ANKS6: variants seen among roughly 807,000 people sequenced by gnomAD.
ANKS6 encodes ankyrin repeat and SAM domain-containing protein 6.
A neutral mutation model predicts 77.9 loss-of-function variants in ANKS6; 47 were observed. The ratio of observed to expected loss-of-function variants is 0.60; its 90% confidence interval spans 0.48 to 0.77. ANKS6 has a LOEUF of 0.77. ANKS6 is among the 30% of genes least tolerant of loss of function. The probability of loss-of-function intolerance (pLI) is 0.00; values close to 1 mark genes in which losing one functional copy is unlikely to be tolerated. For synonymous variants in ANKS6, 488 were observed against 501.7 expected (o/e 0.97, Z 0.37); for missense variants, 1,150 against 1,159.1 (o/e 0.99, Z 0.11).
chr9:98,790,533 C>T lies in ANKS6; in HGVS notation c.433G>A (p.Ala145Thr), dbSNP rs767907988. The change falls in exon 2 of 15, where the codon GCC becomes ACC. Residue 145 changes from alanine (A) to threonine (T), a missense_variant. Coordinates refer to ENST00000353234, the MANE Select transcript of ANKS6 (RefSeq NM_173551.5). ...ADVNAQNRLG[A>T]SVLTVASRGG... ...CGAGAAGCCACAGTGAGCACACTGGCCCCCAGCCGGTTCTGGGCATTGACA... is the reference window on the plus strand; with the variant it reads ...CGAGAAGCCACAGTGAGCACACTGGTCCCCAGCCGGTTCTGGGCATTGACA... 1.2e-5 allele frequency: 20 copies of T among 1,613,296 alleles called. No individual in the cohort carries two copies. The highest frequency in any genetic ancestry group is 1.6e-5 in the Non-Finnish European group (19 of 1,179,742).
intron 2 of ANKS6, among the ~76,000 whole-genome samples, chr9:98,789,027 G>C (rs539021431): frequency 6.7e-6 from 1 of 149,942 alleles, no homozygotes; most frequent in East Asian, 1.9e-4. Flanking sequence ...TGATTGGATG[G>C]TGTATTTCTT....
At chr9:98,740,733 A>G (rs972328479) in intron 14 of ANKS6, among the ~76,000 whole-genome samples, 1 of 152,206 alleles carries the variant, frequency 6.6e-6, no homozygotes, top group African/African-American at 2.4e-5. Flanking sequence ...AGATGATAAC[A>G]ATAATTGCCC....
chr9:98,766,765 T>A (rs985162400), intron 11 of ANKS6, among the ~76,000 whole-genome samples: 1 of 152,048 alleles, frequency 6.6e-6, no homozygotes, highest in Admixed American at 6.6e-5. Flanking sequence ...GGGCAGAAAA[T>A]GACTATTTCT....
At chr9:98,751,668 T>G (rs542236316) in intron 12 of ANKS6, among the ~76,000 whole-genome samples, 2 of 152,042 alleles carry the variant, frequency 1.3e-5, no homozygotes, top group South Asian at 2.1e-4. Context: ...ACAGGGAGAA[T>G]AAAGAAAAGG....
At position 98,790,084 on chromosome 9, in the gene ANKS6, C is replaced by T. The variant is rs115965425; in HGVS notation, c.862+20G>A. On this transcript the variant is annotated intron_variant, in intron 2 of 14. Coordinates refer to ENST00000353234, the MANE Select transcript of ANKS6 (RefSeq NM_173551.5). ...CAATTTGGGGTCCTCTGTGAAGCCA[C>T]GGGGGGCATGCAGCCTGACCTGTTT... 1,796 of 1,537,674 alleles carry T rather than the reference C, an allele frequency of 1.2e-3. 15 individuals are homozygous for T. The African/African-American group carries it at 0.021, about 18-fold the overall frequency.
chr9:98,733,461 G>C lies in ANKS6; in HGVS notation c.*3058C>G. ...ACAGGGACCCTGCCATCTCAAAGCA[G>C]GACCGGTCCCCTGATGTCCCACTGC... On this transcript the variant is annotated 3_prime_UTR_variant, in exon 15 of 15. Transcript: ENST00000353234. The C allele has an allele frequency of 1.0e-6, 1 of 985,502 alleles. No individual in the cohort carries two copies. Among genetic ancestry groups the C allele is most frequent in the Non-Finnish European group, 1.2e-6 (1 of 830,006 alleles). The allele number at this position is 985,502 out of a possible 1,614,324, so 61.0% of individuals were successfully genotyped here.
chr9:98,757,782 G>C (rs1290095624), intron 11 of ANKS6, among the ~76,000 whole-genome samples: 1 of 152,014 alleles, frequency 6.6e-6, no homozygotes, highest in Non-Finnish European at 1.5e-5. Context: ...ACAAAAATTA[G>C]CCAAGTGTGG....
At chr9:98,767,588 CCAGGATGTATA>C (rs1015297812) in intron 11 of ANKS6, among the ~76,000 whole-genome samples, 8 of 152,118 alleles carry the variant, frequency 5.3e-5, no homozygotes, top group African/African-American at 1.9e-4. Context: ...GCAGATGCTC[CCAGGATGTATA>C]CAGTGGATGA....
intron 11 of ANKS6, among the ~76,000 whole-genome samples, chr9:98,759,717 A>G (rs971282285): frequency 6.6e-6 from 1 of 152,226 alleles, no homozygotes; most frequent in African/African-American, 2.4e-5. Context: ...GGAGGACATT[A>G]TGTTAAGTGA....
chr9:98,752,072 C>A (rs748753068), intron 12 of ANKS6, among the ~76,000 whole-genome samples: 45 of 149,298 alleles, frequency 3.0e-4, no homozygotes, highest in Non-Finnish European at 5.5e-4. Flanking sequence ...CCAGCCTGGG[C>A]TACAAAGCAA....
chr9:98,737,255 T>C (rs957915220), intron 14 of ANKS6, among the ~76,000 whole-genome samples: 7 of 152,176 alleles, frequency 4.6e-5, no homozygotes, highest in African/African-American at 1.7e-4. Context: ...GACTGCGTCC[T>C]AGCCAGAGCA....
chr9:98,740,473 T>A (rs1157054032), intron 14 of ANKS6, among the ~76,000 whole-genome samples: 1 of 152,198 alleles, frequency 6.6e-6, no homozygotes, highest in African/African-American at 2.4e-5. Context: ...AATGGGGATG[T>A]TACCTGCCAG....
chr9:98,753,558 C>T (rs935917585), intron 12 of ANKS6, among the ~76,000 whole-genome samples: 1 of 151,644 alleles, frequency 6.6e-6, no homozygotes, highest in Admixed American at 6.6e-5. Flanking sequence ...GAGGTTGAGG[C>T]TGCAGTGAGC....
intron 2 of ANKS6, among the ~76,000 whole-genome samples, chr9:98,786,948 A>C (rs933359361): frequency 3.3e-5 from 5 of 152,058 alleles, no homozygotes; most frequent in Admixed American, 1.3e-4. Flanking sequence ...TTTCGTCTAT[A>C]TCCAAGCAGT....
intron 2 of ANKS6, among the ~76,000 whole-genome samples, chr9:98,788,364 G>A (rs1380429929): frequency 6.6e-6 from 1 of 152,182 alleles, no homozygotes; most frequent in African/African-American, 2.4e-5. Flanking sequence ...CAAAATGGGG[G>A]AATACCCTCC....
chr9:98,734,804 A>G lies in ANKS6; in HGVS notation c.*1715T>C. 1.0e-6 allele frequency: 1 copy of G among 985,426 alleles called. No homozygotes were observed. Among genetic ancestry groups the G allele is most frequent in the Non-Finnish European group, 1.2e-6 (1 of 829,912 alleles). 61.0% of individuals were successfully genotyped at this position (985,426 alleles called of 1,614,324 possible). On this transcript the variant is annotated 3_prime_UTR_variant, in exon 15 of 15. Coordinates refer to ENST00000353234, the MANE Select transcript of ANKS6 (RefSeq NM_173551.5). ...GGGGATGAATGAGTGTGTCTCCTTA[A>G]AAAGGCTGGGACATTAGTAACCTTT...
At chr9:98,761,275 T>C (rs564646530) in intron 11 of ANKS6, among the ~76,000 whole-genome samples, 2 of 152,316 alleles carry the variant, frequency 1.3e-5, no homozygotes, top group East Asian at 3.9e-4. Context: ...AAAAAAAGAC[T>C]TGATTCTTTA....
Position 98,774,203 on chromosome 9 carries a change from G to A in ANKS6, c.1618-123C>T, listed in dbSNP as rs1833795815. 1.2e-5 allele frequency: 10 copies of A among 866,206 alleles called. No individual in the cohort carries two copies. The South Asian group carries it at 2.0e-4, about 18-fold the overall frequency. 53.7% of individuals were successfully genotyped at this position (866,206 alleles called of 1,614,324 possible). On this transcript the variant is annotated intron_variant, in intron 8 of 14. Transcript: ENST00000353234. Reference sequence around the variant, plus strand: ...CACCATCCACCCCTCCACCCAAGCCGGGAGCTATGTGGCATCTACAGCTCT... The same window carrying A: ...CACCATCCACCCCTCCACCCAAGCCAGGAGCTATGTGGCATCTACAGCTCT...
chr9:98,733,013 A>G lies in ANKS6; in HGVS notation c.*3506T>C, dbSNP rs1831285691. 2.2e-6 allele frequency: 2 copies of G among 903,286 alleles called. No individual in the cohort carries two copies. Among genetic ancestry groups the G allele is most frequent in the African/African-American group, 1.8e-5 (1 of 55,506 alleles). The allele number at this position is 903,286 out of a possible 1,614,324, so 56.0% of individuals were successfully genotyped here. A position where few individuals can be genotyped will look rare whatever the true frequency, so the allele number is the denominator to read the frequency against. On this transcript the variant is annotated 3_prime_UTR_variant, in exon 15 of 15. Transcript: ENST00000353234. ...GGCGTGCCCAGGCTGAGCCTGAGCCATCATCGATGACTTTCCCTGAGCTGT... is the reference window on the plus strand; with the variant it reads ...GGCGTGCCCAGGCTGAGCCTGAGCCGTCATCGATGACTTTCCCTGAGCTGT...
Sources: allele counts gnomAD v4.1 joint callset (sites outside exome capture counted in the v4.1 genomes callset), GRCh38; gene constraint gnomAD v4.1.1; transcripts MANE v1.5; gene names NCBI Gene and HGNC (gene_info 2026-07-23, HGNC 2026-07-21).